Variants in GSDMC observed in about 807,000 individuals in gnomAD.
The protein encoded by GSDMC is gasdermin-C.
Under a neutral mutation model 58.0 loss-of-function variants are expected in GSDMC, and 59 were observed. That is an observed-to-expected ratio of 1.02 (90% CI 0.82 to 1.26). The LOEUF (loss-of-function observed/expected upper bound fraction) is 1.26. Ranked by LOEUF, GSDMC falls within the 50% of genes most tolerant of loss-of-function variation. The pLI is 0.00. For synonymous variants in GSDMC, 241 were observed against 220.2 expected (o/e 1.09, Z -0.83); for missense variants, 659 against 598.5 (o/e 1.10, Z -1.06).
intron 5 of GSDMC, 44 bp from the exon 6 acceptor site, chr8:129,760,633 T>TGCTG: frequency 1.6e-6 from 1 of 627,490 alleles, no homozygotes; most frequent in East Asian, 5.2e-5. Context: ...TTGAGGTTAT[T>TGCTG]CCTGCCTGAA....
At chr8:129,781,055 A>G (rs1265612321) in intron 1 of GSDMC, among the ~76,000 whole-genome samples, 1 of 152,236 alleles carries the variant, frequency 6.6e-6, no homozygotes, top group East Asian at 1.9e-4. Context: ...AAAAAATGAA[A>G]AGCAAGAAAT....
chr8:129,736,624 T>A, the GSDMC span, among the ~76,000 whole-genome samples: 1 of 152,226 alleles, frequency 6.6e-6, no homozygotes, highest in East Asian at 1.9e-4. Flanking sequence ...AATTAGGTAT[T>A]GATGGGACGT....
At chr8:129,733,085 C>T in the GSDMC span, among the ~76,000 whole-genome samples, 26 of 152,332 alleles carry the variant, frequency 1.7e-4, no homozygotes, top group South Asian at 3.3e-3. Context: ...GGTCAACCTG[C>T]GAGGCAGCAA....
chr8:129,760,643 A>C, intron 5 of GSDMC, 54 bp from the exon 6 acceptor site: 84 of 518,164 alleles, frequency 1.6e-4, no homozygotes, highest in East Asian at 2.7e-4. Context: ...TCCTGCCTGA[A>C]CCTAGACCAG....
At chr8:129,753,037 G>A (rs2033279297) in intron 6 of GSDMC, among the ~76,000 whole-genome samples, 1 of 152,192 alleles carries the variant, frequency 6.6e-6, no homozygotes, top group Non-Finnish European at 1.5e-5. Context: ...GAGCTCTGGA[G>A]TCCTAGGTAA....
At chr8:129,726,434 C>A in the GSDMC span, among the ~76,000 whole-genome samples, 9,505 of 152,010 alleles carry the variant, frequency 0.063, 518 homozygotes, top group East Asian at 0.25. Context: ...TCAGTAGGTC[C>A]GGAAGCATAT....
At chr8:129,735,314 C>T in the GSDMC span, among the ~76,000 whole-genome samples, 1 of 152,218 alleles carries the variant, frequency 6.6e-6, no homozygotes, top group Non-Finnish European at 1.5e-5. Flanking sequence ...ACCTAATAGA[C>T]ATCTACAGAA....
intron 3 of GSDMC, among the ~76,000 whole-genome samples, chr8:129,772,980 A>ATAAT (rs1248422242): frequency 2.6e-5 from 4 of 152,232 alleles, no homozygotes; most frequent in African/African-American, 7.2e-5. Flanking sequence ...ATCAATAAAT[A>ATAAT]TAATACACCA....
At chr8:129,726,945 G>A in the GSDMC span, among the ~76,000 whole-genome samples, 16 of 150,946 alleles carry the variant, frequency 1.1e-4, no homozygotes, top group Admixed American at 8.6e-4. Flanking sequence ...GACTACAGTG[G>A]GATACCCCCA....
chr8:129,778,330 G>C (rs748198582), intron 1 of GSDMC, among the ~76,000 whole-genome samples: 9 of 152,112 alleles, frequency 5.9e-5, no homozygotes, highest in Non-Finnish European at 1.0e-4. Flanking sequence ...GTTGGTGAAG[G>C]CCCAAGATTG....
chr8:129,762,661 G>A lies in GSDMC; in HGVS notation c.641C>T (p.Ala214Val), dbSNP rs2033711444. The change falls in exon 5 of 14, where the codon GCT becomes GTT. Residue 214 changes from alanine to valine, a missense_variant. Transcript: ENST00000276708. ...ALTLQKGMVM[A>V]YKRKQLVIKE... is the part of the protein sequence containing the mutation. Reference sequence around the variant, plus strand: ...GATAACCAGCTGCTTTCTCTTATAAGCCATCACCATGCCTTTCTGAAGAGT... The same window carrying A: ...GATAACCAGCTGCTTTCTCTTATAAACCATCACCATGCCTTTCTGAAGAGT... 6.2e-7 allele frequency: 1 copy of A among 1,613,356 alleles called. No homozygotes were observed. The highest frequency in any genetic ancestry group is 8.5e-7 in the Non-Finnish European group (1 of 1,179,442).
chr8:129,751,836 C>T (rs2033206561), intron 9 of GSDMC, 26 bp downstream of exon 9: 1 of 1,583,820 alleles, frequency 6.3e-7, no homozygotes, highest in Non-Finnish European at 8.7e-7. Flanking sequence ...GATCCCCACC[C>T]CCACCTCCAG....
the GSDMC span, among the ~76,000 whole-genome samples, chr8:129,735,725 C>T: frequency 2.0e-5 from 3 of 151,980 alleles, no homozygotes; most frequent in Non-Finnish European, 4.4e-5. Context: ...AAATTGACAC[C>T]CTAACATCAC....
At chr8:129,732,962 C>T in the GSDMC span, among the ~76,000 whole-genome samples, 1 of 152,358 alleles carries the variant, frequency 6.6e-6, no homozygotes, top group East Asian at 1.9e-4. Flanking sequence ...CTCCCAAATA[C>T]TGTGCTTTTC....
the GSDMC span, among the ~76,000 whole-genome samples, chr8:129,717,667 C>T: frequency 6.6e-6 from 1 of 152,086 alleles, no homozygotes; most frequent in Non-Finnish European, 1.5e-5. Context: ...TAGAAAAAAA[C>T]TACTTTAAAT....
intron 5 of GSDMC, 150 bp downstream of exon 5, chr8:129,762,476 C>T (rs2033703422): frequency 2.9e-6 from 2 of 687,994 alleles, no homozygotes; most frequent in East Asian, 2.5e-5. Context: ...TGGGTGTGTG[C>T]CCTGGACAGT....
At chr8:129,711,665 G>T in the GSDMC span, among the ~76,000 whole-genome samples, 1 of 152,192 alleles carries the variant, frequency 6.6e-6, no homozygotes, top group Non-Finnish European at 1.5e-5. Flanking sequence ...AGACCAAAGG[G>T]TCCTTCCTGC....
At chr8:129,735,853 C>A in the GSDMC span, among the ~76,000 whole-genome samples, 1 of 152,106 alleles carries the variant, frequency 6.6e-6, no homozygotes, top group Non-Finnish European at 1.5e-5. Context: ...CTCAAAAAAT[C>A]AATGAATCCA....
chr8:129,742,705 C>T, the GSDMC span, among the ~76,000 whole-genome samples: 1 of 152,172 alleles, frequency 6.6e-6, no homozygotes, highest in East Asian at 1.9e-4. Flanking sequence ...AATCAGAGGG[C>T]TCACCTTGGT....
Sources: allele counts gnomAD v4.1 joint callset (sites outside exome capture counted in the v4.1 genomes callset), GRCh38; gene constraint gnomAD v4.1.1; transcripts MANE v1.5; gene names NCBI Gene and HGNC (gene_info 2026-07-23, HGNC 2026-07-21).